Variants in MYCT1 observed in about 807,000 individuals in gnomAD.
The protein encoded by MYCT1 is myc target protein 1.
Under a neutral mutation model 15.0 loss-of-function variants are expected in MYCT1, and 12 were observed. The observed-to-expected ratio is 0.80, with a 90% CI of 0.51 to 1.29. The LOEUF (loss-of-function observed/expected upper bound fraction) is 1.29. Among genes scored for constraint, MYCT1 ranks in the 50% most tolerant of loss-of-function variants. The probability of loss-of-function intolerance (pLI) is 0.00; values close to 1 mark genes in which losing one functional copy is unlikely to be tolerated. For synonymous variants in MYCT1, 104 were observed against 102.7 expected (o/e 1.01, Z -0.07); for missense variants, 287 against 279.1 (o/e 1.03, Z -0.20).
rs573428147 is a variant in MYCT1, at chr6:152,723,926, C to T, written c.*1673C>T. ...TTTTCATTTCCTATTGCAGTGGTCA[C>T]AGCTAATAGTGTCTGAACATGGTTC... On this transcript the variant is annotated 3_prime_UTR_variant, in exon 2 of 2. Coordinates refer to ENST00000367245, the MANE Select transcript of MYCT1 (RefSeq NM_025107.3). The T allele has an allele frequency of 6.6e-6, 1 of 152,304 alleles. No homozygotes were observed. Among genetic ancestry groups the T allele is most frequent in the East Asian group, 1.9e-4 (1 of 5,176 alleles). 9.4% of individuals were successfully genotyped at this position (152,304 alleles called of 1,614,324 possible).
At chr6:152,706,427 C>T (rs918049201) in intron 1 of MYCT1, among the ~76,000 whole-genome samples, 2 of 152,140 alleles carry the variant, frequency 1.3e-5, no homozygotes, top group South Asian at 2.1e-4. Flanking sequence ...CAACTTAAAT[C>T]GCTGAGGTAT....
At position 152,708,279 on chromosome 6, in the gene MYCT1, T is replaced by C. The variant is rs542910782; in HGVS notation, c.196+10181T>C. On this transcript the variant is annotated intron_variant, in intron 1 of 1. Transcript: ENST00000367245. ...GGTGTAATTATACTTTCCAGTTGTT[T>C]GCTGCTAGTATATAAACGTATTTTT... 3.3e-5 allele frequency among the ~76,000 whole-genome samples: 5 copies of C among 152,194 alleles called. No homozygotes were observed. The South Asian group carries it at 1.0e-3, about 31-fold the overall frequency.
At chr6:152,715,590 T>C (rs2099723491) in intron 1 of MYCT1, among the ~76,000 whole-genome samples, 2 of 152,126 alleles carry the variant, frequency 1.3e-5, no homozygotes, top group African/African-American at 2.4e-5. Flanking sequence ...AATTAATGAA[T>C]GTAGTTTCCA....
At chr6:152,707,971 T>C (rs964796599) in intron 1 of MYCT1, among the ~76,000 whole-genome samples, 1 of 152,024 alleles carries the variant, frequency 6.6e-6, no homozygotes, top group African/African-American at 2.4e-5. Flanking sequence ...CTTTGTATTG[T>C]CATCATATAC....
chr6:152,714,402 GCTT>G (rs915877149), intron 1 of MYCT1, among the ~76,000 whole-genome samples: 3 of 146,086 alleles, frequency 2.1e-5, no homozygotes, highest in African/African-American at 5.1e-5. Flanking sequence ...TCTTTTCCTA[GCTT>G]CTTAATATGG....
intron 1 of MYCT1, among the ~76,000 whole-genome samples, chr6:152,716,449 T>C (rs561508211): frequency 6.6e-6 from 1 of 152,302 alleles, no homozygotes; most frequent in South Asian, 2.1e-4. Context: ...CAATGTTACA[T>C]TCTGCCATCA....
chr6:152,718,340 T>C (rs1439634865), intron 1 of MYCT1, among the ~76,000 whole-genome samples: 1 of 152,228 alleles, frequency 6.6e-6, no homozygotes, highest in Non-Finnish European at 1.5e-5. Flanking sequence ...AACAGTCATC[T>C]GAAATATAAA....
intron 1 of MYCT1, among the ~76,000 whole-genome samples, chr6:152,700,370 T>C (rs1464256499): frequency 6.6e-6 from 1 of 152,156 alleles, no homozygotes; most frequent in Non-Finnish European, 1.5e-5. Flanking sequence ...CATTGAACCA[T>C]ATAAATTGCT....
rs1428636820 is a variant in MYCT1, at chr6:152,698,093, T to C, written c.191T>C (p.Phe64Ser). 6.5e-7 allele frequency: 1 copy of C among 1,549,318 alleles called. No individual in the cohort carries two copies. Among genetic ancestry groups the C allele is most frequent in the Non-Finnish European group, 8.7e-7 (1 of 1,155,368 alleles). ...TSLGSPWPEN[F>S]WEDLIMSFTV... Reference sequence around the variant, plus strand: ...TTAGGGAGTCCATGGCCAGAAAACTTTTGGGGTAAGGTATTTTCTTTTACT... The same window carrying C: ...TTAGGGAGTCCATGGCCAGAAAACTCTTGGGGTAAGGTATTTTCTTTTACT... Residue 64 changes from phenylalanine (F) to serine (S), a missense_variant, in exon 1 of 2, where the codon TTT becomes TCT. Coordinates refer to ENST00000367245, the MANE Select transcript of MYCT1 (RefSeq NM_025107.3).
chr6:152,719,379 C>T (rs1204723242), intron 1 of MYCT1, among the ~76,000 whole-genome samples: 2 of 152,134 alleles, frequency 1.3e-5, no homozygotes, highest in East Asian at 3.9e-4. Context: ...AATAAATAAG[C>T]AATTAACTAT....
chr6:152,702,835 G>A (rs546375656), intron 1 of MYCT1, among the ~76,000 whole-genome samples: 1 of 152,230 alleles, frequency 6.6e-6, no homozygotes, highest in African/African-American at 2.4e-5. Flanking sequence ...TAGAAAGTTT[G>A]AAAAACAAAC....
At chr6:152,708,800 T>G (rs1054798392) in intron 1 of MYCT1, among the ~76,000 whole-genome samples, 1 of 152,090 alleles carries the variant, frequency 6.6e-6, no homozygotes, top group African/African-American at 2.4e-5. Flanking sequence ...CATGTTTTAG[T>G]GTAGGTGTGC....
intron 1 of MYCT1, among the ~76,000 whole-genome samples, chr6:152,705,512 G>C (rs1281790319): frequency 6.6e-6 from 1 of 151,772 alleles, no homozygotes; most frequent in East Asian, 1.9e-4. Context: ...TGTCCTCCAG[G>C]TTCATCTAGG....
chr6:152,708,495 A>T (rs1237704686), intron 1 of MYCT1, among the ~76,000 whole-genome samples: 1 of 152,058 alleles, frequency 6.6e-6, no homozygotes, highest in East Asian at 1.9e-4. Context: ...CCTGGATGAT[A>T]TAGTAAGTCC....
At chr6:152,709,267 C>A (rs1299311384) in intron 1 of MYCT1, among the ~76,000 whole-genome samples, 1 of 34,072 alleles carries the variant, frequency 2.9e-5, no homozygotes, top group Non-Finnish European at 6.1e-5. Flanking sequence ...CATTGTTGGA[C>A]ATTTGGGTTG....
At chr6:152,716,786 C>T (rs2099723765) in intron 1 of MYCT1, among the ~76,000 whole-genome samples, 1 of 152,106 alleles carries the variant, frequency 6.6e-6, no homozygotes. Context: ...TATGGCATAG[C>T]TGACCAATGT....
chr6:152,725,031 T>C (rs1027902779), downstream of MYCT1, among the ~76,000 whole-genome samples: 14 of 152,134 alleles, frequency 9.2e-5, no homozygotes, highest in South Asian at 2.1e-4. Context: ...AATAAATGTT[T>C]AGCAAATCTA....
At chr6:152,741,439 C>T in the MYCT1 span, among the ~76,000 whole-genome samples, 14 of 151,998 alleles carry the variant, frequency 9.2e-5, no homozygotes, top group Admixed American at 6.6e-4. Flanking sequence ...AATGTTTATT[C>T]TTATCAGCGC....
the MYCT1 span, among the ~76,000 whole-genome samples, chr6:152,742,742 C>G: frequency 1.3e-5 from 2 of 152,078 alleles, no homozygotes; most frequent in Non-Finnish European, 2.9e-5. Flanking sequence ...ATTGATTTCC[C>G]CCATCACACA....
Sources: gnomAD v4.1 joint callset for allele counts (sites outside exome capture counted in the v4.1 genomes callset) on GRCh38, gnomAD v4.1.1 for gene constraint, MANE v1.5 for transcripts, NCBI Gene and HGNC (gene_info 2026-07-23, HGNC 2026-07-21) for gene names.